The following DCC variants were observed in gnomAD, a reference collection of about 807,000 sequenced individuals.
DCC encodes DCC netrin 1 receptor, also known as netrin receptor DCC.
Under a neutral mutation model 172.5 loss-of-function variants are expected in DCC, and 58 were observed. The observed-to-expected ratio is 0.34, with a 90% CI of 0.27 to 0.42. The LOEUF (loss-of-function observed/expected upper bound fraction) is 0.42, where lower values mean the gene tolerates loss of function less well. Ranked by LOEUF, DCC falls within the 10% of genes least tolerant of loss-of-function variation. The pLI is 1.00. For missense variants in DCC, 1,740 were observed against 1,791.0 expected (o/e 0.97, Z 0.51); for synonymous variants, 709 against 644.5 (o/e 1.10, Z -1.52).
intron 1 of DCC, among the ~76,000 whole-genome samples, chr18:52,635,731 G>A (rs1158887759): frequency 6.6e-6 from 1 of 152,116 alleles, no homozygotes; most frequent in Middle Eastern, 3.4e-3. Flanking sequence ...CCTGACTCAC[G>A]TTCCATTCTG....
intron 1 of DCC, among the ~76,000 whole-genome samples, chr18:52,731,252 G>A (rs568192823): frequency 2.0e-5 from 3 of 152,190 alleles, no homozygotes; most frequent in Admixed American, 6.5e-5. Context: ...GAGAGTATGT[G>A]TTTGATTGGG....
intron 2 of DCC, 97 bp downstream of exon 2, chr18:52,752,471 A>G: frequency 1.1e-6 from 1 of 936,706 alleles, no homozygotes; most frequent in Non-Finnish European, 1.7e-6. Flanking sequence ...AATAATGTAC[A>G]TTTTAAAAAT....
At chr18:52,478,200 A>T (rs1438234082) in intron 1 of DCC, among the ~76,000 whole-genome samples, 1 of 151,510 alleles carries the variant, frequency 6.6e-6, no homozygotes, top group Non-Finnish European at 1.5e-5. Flanking sequence ...ATTTCTCTTG[A>T]TTTTTTATGT....
At chr18:53,508,087 G>T (rs1013528811) in intron 27 of DCC, among the ~76,000 whole-genome samples, 1 of 151,666 alleles carries the variant, frequency 6.6e-6, no homozygotes, top group South Asian at 2.1e-4. Flanking sequence ...TAGAGACGGG[G>T]TTTCACCGTG....
chr18:52,757,934 G>A (rs190596052), intron 2 of DCC, among the ~76,000 whole-genome samples: 5 of 152,146 alleles, frequency 3.3e-5, no homozygotes, highest in African/African-American at 1.2e-4. Flanking sequence ...TCAATCTAAG[G>A]ACTAGATTTC....
At chr18:53,021,868 T>A (rs924488031) in intron 5 of DCC, among the ~76,000 whole-genome samples, 1 of 152,238 alleles carries the variant, frequency 6.6e-6, no homozygotes, top group African/African-American at 2.4e-5. Flanking sequence ...AGTTGGTTAA[T>A]GGCTGCATTT....
Position 53,532,778 on chromosome 18 carries a change from G to A in DCC, c.*2125G>A, listed in dbSNP as rs1420407723. ...TAGGTTGCAAATCTCAGATTTTAGG[G>A]ATTGAGTCACACCTTCAATCTATAG... On this transcript the variant is annotated 3_prime_UTR_variant, in exon 29 of 29. Coordinates refer to ENST00000442544, the MANE Select transcript of DCC (RefSeq NM_005215.4). 1.3e-5 allele frequency: 2 copies of A among 150,228 alleles called. No individual in the cohort carries two copies. Among genetic ancestry groups the A allele is most frequent in the African/African-American group, 2.5e-5 (1 of 40,770 alleles). 9.3% of individuals were successfully genotyped at this position (150,228 alleles called of 1,614,324 possible).
At chr18:53,222,075 T>C (rs1043698676) in intron 12 of DCC, among the ~76,000 whole-genome samples, 4 of 152,194 alleles carry the variant, frequency 2.6e-5, no homozygotes, top group African/African-American at 9.6e-5. Flanking sequence ...TTAGACTTTT[T>C]TTGAAGTTCC....
chr18:52,871,307 G>A (rs1172482825), intron 2 of DCC, among the ~76,000 whole-genome samples: 1 of 151,610 alleles, frequency 6.6e-6, no homozygotes, highest in Non-Finnish European at 1.5e-5. Context: ...AAAATAAGAT[G>A]AGAAAGAACA....
intron 9 of DCC, among the ~76,000 whole-genome samples, chr18:53,190,098 G>T (rs537936792): frequency 2.0e-5 from 3 of 152,026 alleles, no homozygotes; most frequent in African/African-American, 7.2e-5. Flanking sequence ...GGCTAATTTT[G>T]TATATTTAGC....
intron 1 of DCC, among the ~76,000 whole-genome samples, chr18:52,715,889 C>G (rs2036372330): frequency 2.1e-5 from 3 of 145,252 alleles, no homozygotes; most frequent in African/African-American, 7.3e-5. Context: ...GCTTAGAATT[C>G]AGGCTATCTG....
intron 2 of DCC, among the ~76,000 whole-genome samples, chr18:52,903,297 T>C (rs1458547325): frequency 1.3e-5 from 2 of 152,178 alleles, no homozygotes; most frequent in Admixed American, 6.6e-5. Context: ...CCTCTGCCTC[T>C]GGGCTCAAGT....
intron 1 of DCC, among the ~76,000 whole-genome samples, chr18:52,595,790 G>T (rs898361964): frequency 6.6e-6 from 1 of 152,142 alleles, no homozygotes; most frequent in African/African-American, 2.4e-5. Context: ...TTCTGGGGTA[G>T]ATCTCTGAAA....
At chr18:52,964,911 T>C (rs922153701) in intron 5 of DCC, 1 of 152,190 alleles carries the variant, frequency 6.6e-6, no homozygotes, top group African/African-American at 2.4e-5. Context: ...ATTCCTTGAT[T>C]AATGGCCTAT....
intron 1 of DCC, among the ~76,000 whole-genome samples, chr18:52,591,158 C>A (rs2144797545): frequency 6.6e-6 from 1 of 152,192 alleles, no homozygotes; most frequent in East Asian, 1.9e-4. Context: ...CTGCTATGAC[C>A]TGAGAGGGCT....
intron 1 of DCC, among the ~76,000 whole-genome samples, chr18:52,680,086 G>A (rs976366064): frequency 2.0e-5 from 3 of 152,076 alleles, no homozygotes; most frequent in Admixed American, 6.6e-5. Context: ...TTAGAGAGGC[G>A]TAGATTCATT....
rs116892535 is a variant in DCC at position 52,552,928 on chromosome 18, C to T, written c.92-199126C>T. On this transcript the variant is annotated intron_variant, in intron 1 of 28. Coordinates refer to ENST00000442544, the MANE Select transcript of DCC (RefSeq NM_005215.4). ...CCAAAAAATATTTTAAACATAATGTCTATTTGTACCTAAGCATTTAAGTGG... is the reference window on the plus strand; with the variant it reads ...CCAAAAAATATTTTAAACATAATGTTTATTTGTACCTAAGCATTTAAGTGG... Among the ~76,000 whole-genome samples, 4 of 152,160 alleles carry T rather than the reference C, an allele frequency of 2.6e-5. No individual in the cohort carries two copies. The East Asian group carries it at 7.7e-4, about 29-fold the overall frequency.
intron 2 of DCC, among the ~76,000 whole-genome samples, chr18:52,886,030 C>A (rs765610556): frequency 6.6e-6 from 1 of 151,834 alleles, no homozygotes; most frequent in Non-Finnish European, 1.5e-5. Flanking sequence ...ATCCAAGATG[C>A]AAGACAAAGT....
chr18:53,236,741 T>C (rs1401321818), intron 12 of DCC, among the ~76,000 whole-genome samples: 1 of 152,090 alleles, frequency 6.6e-6, no homozygotes, highest in Non-Finnish European at 1.5e-5. Context: ...CACCTTGAAT[T>C]AATTTTTGTG....
Sources: gnomAD v4.1 joint callset for allele counts (sites outside exome capture counted in the v4.1 genomes callset) on GRCh38, gnomAD v4.1.1 for gene constraint, MANE v1.5 for transcripts, NCBI Gene and HGNC (gene_info 2026-07-23, HGNC 2026-07-21) for gene names.